Variants in SPATA6 observed in about 807,000 individuals in gnomAD.
The protein encoded by SPATA6 is spermatogenesis associated 6.
SPATA6 carries 56 observed loss-of-function variants against 65.3 expected under a neutral mutation model. The ratio of observed to expected loss-of-function variants is 0.86; its 90% CI spans 0.69 to 1.07. SPATA6 has a LOEUF of 1.07. Ranked by LOEUF, SPATA6 falls within the 50% of genes least tolerant of loss-of-function variation. SPATA6 has a pLI of 0.00. For synonymous variants in SPATA6, 199 were observed against 213.2 expected, an observed-to-expected ratio of 0.93 and a Z score of 0.58; for missense variants, 590 against 594.8, an observed-to-expected ratio of 0.99 and a Z score of 0.08.
intron 9 of SPATA6, among the ~76,000 whole-genome samples, chr1:48,368,156 A>G (rs1393387367): frequency 1.3e-5 from 2 of 152,194 alleles, no homozygotes; most frequent in South Asian, 2.1e-4. Flanking sequence ...AGTTTCTGCC[A>G]AGAGATCAGC....
intron 1 of SPATA6, among the ~76,000 whole-genome samples, chr1:48,455,172 G>C (rs1291377411): frequency 6.6e-6 from 1 of 151,992 alleles, no homozygotes; most frequent in Non-Finnish European, 1.5e-5. Flanking sequence ...GTCCAAAATG[G>C]TAGGCACTAG....
chr1:48,433,248 C>A (rs1356374390), intron 3 of SPATA6, among the ~76,000 whole-genome samples: 1 of 151,950 alleles, frequency 6.6e-6, no homozygotes, highest in African/African-American at 2.4e-5. Flanking sequence ...TTTAATACCA[C>A]TAAACTGTAT....
intron 11 of SPATA6, among the ~76,000 whole-genome samples, chr1:48,327,227 TAAC>T (rs1346867362): frequency 4.6e-5 from 7 of 151,966 alleles, no homozygotes; most frequent in African/African-American, 7.2e-5. Flanking sequence ...TAAAAGCGGC[TAAC>T]AAACACACAA....
chr1:48,329,589 G>A (rs1645856672), intron 11 of SPATA6, among the ~76,000 whole-genome samples: 1 of 152,200 alleles, frequency 6.6e-6, no homozygotes, highest in South Asian at 2.1e-4. Flanking sequence ...TTAAAAGTGG[G>A]CGGGGCCAAT....
chr1:48,452,668 G>A (rs1422086428), intron 2 of SPATA6, among the ~76,000 whole-genome samples: 1 of 152,152 alleles, frequency 6.6e-6, no homozygotes, highest in Non-Finnish European at 1.5e-5. Flanking sequence ...GCAGGCATGA[G>A]CCACCGCACA....
At chr1:48,356,544 CG>C (rs1433710036) in intron 10 of SPATA6, among the ~76,000 whole-genome samples, 3 of 134,976 alleles carry the variant, frequency 2.2e-5, no homozygotes, top group Non-Finnish European at 4.6e-5. Context: ...CACGGAGTCT[CG>C]CTCTGTCACC....
At chr1:48,276,478 T>C in the SPATA6 span, among the ~76,000 whole-genome samples, 2 of 152,254 alleles carry the variant, frequency 1.3e-5, no homozygotes, top group East Asian at 1.9e-4. Context: ...TTAAGTGCTA[T>C]ACATTTCCCT....
intron 9 of SPATA6, among the ~76,000 whole-genome samples, chr1:48,372,881 T>C (rs1647451107): frequency 6.6e-6 from 1 of 152,172 alleles, no homozygotes; most frequent in Non-Finnish European, 1.5e-5. Context: ...GCCATGGCTT[T>C]AGTGGCTGAG....
intron 9 of SPATA6, among the ~76,000 whole-genome samples, chr1:48,363,243 G>C (rs997356369): frequency 2.0e-5 from 3 of 152,104 alleles, no homozygotes; most frequent in African/African-American, 7.2e-5. Context: ...TTCAGCCTTA[G>C]CTTAAAAAAT....
At chr1:48,430,844 CA>C in intron 3 of SPATA6, among the ~76,000 whole-genome samples, 1 of 152,056 alleles carries the variant, frequency 6.6e-6, no homozygotes, top group East Asian at 1.9e-4. Flanking sequence ...CAAAAGAAGA[CA>C]GTAATGCAGA....
chr1:48,373,552 A>T (rs1180679123), intron 9 of SPATA6, among the ~76,000 whole-genome samples: 4 of 152,184 alleles, frequency 2.6e-5, no homozygotes, highest in Non-Finnish European at 5.9e-5. Context: ...AGTCGCTTCC[A>T]CATTTCCGGG....
chr1:48,429,642 C>T (rs1457327719), intron 3 of SPATA6, among the ~76,000 whole-genome samples: 5 of 151,876 alleles, frequency 3.3e-5, no homozygotes, highest in East Asian at 3.9e-4. Flanking sequence ...GAAAATAAAT[C>T]GGCAGAAACT....
At chr1:48,397,024 G>A (rs1437978934) in intron 7 of SPATA6, among the ~76,000 whole-genome samples, 1 of 151,540 alleles carries the variant, frequency 6.6e-6, no homozygotes, top group African/African-American at 2.4e-5. Context: ...ATATAATTAA[G>A]CCATAAAAAG....
At chr1:48,405,924 A>G (rs751010891) in intron 5 of SPATA6, among the ~76,000 whole-genome samples, 2 of 152,174 alleles carry the variant, frequency 1.3e-5, no homozygotes, top group African/African-American at 4.8e-5. Flanking sequence ...TTAAAGTCTC[A>G]TCCTTGTACA....
the SPATA6 span, among the ~76,000 whole-genome samples, chr1:48,288,026 TTGTCAAG>T: frequency 6.6e-6 from 1 of 152,244 alleles, no homozygotes; most frequent in African/African-American, 2.4e-5. Flanking sequence ...TTGTTGAATT[TTGTCAAG>T]TACCTTTTCT....
At chr1:48,376,402 A>G (rs1331569454) in intron 9 of SPATA6, among the ~76,000 whole-genome samples, 2 of 152,082 alleles carry the variant, frequency 1.3e-5, no homozygotes, top group Admixed American at 1.3e-4. Flanking sequence ...ACATTTTCCT[A>G]TTTCAATAAA....
At chr1:48,399,225 G>T in intron 7 of SPATA6, 126 bp downstream of exon 7, 1 of 1,108,288 alleles carries the variant, frequency 9.0e-7, no homozygotes, top group Non-Finnish European at 1.3e-6. Context: ...TAGACTGCTA[G>T]GGTAGCAGTC....
At chr1:48,271,253 A>G in the SPATA6 span, among the ~76,000 whole-genome samples, 2 of 152,158 alleles carry the variant, frequency 1.3e-5, no homozygotes, top group African/African-American at 4.8e-5. Flanking sequence ...CCTGAGCTCC[A>G]TGTATATTAG....
chr1:48,374,942 A>G (rs1045634957), intron 9 of SPATA6, among the ~76,000 whole-genome samples: 13 of 152,284 alleles, frequency 8.5e-5, no homozygotes, highest in African/African-American at 2.4e-4. Flanking sequence ...CCCATACTGT[A>G]TTATGTCATA....
Sources: gnomAD v4.1 joint callset for allele counts (sites outside exome capture counted in the v4.1 genomes callset) on GRCh38, gnomAD v4.1.1 for gene constraint, MANE v1.5 for transcripts, NCBI Gene and HGNC (gene_info 2026-07-23, HGNC 2026-07-21) for gene names.